The following ROBO2 variants were observed in gnomAD, a reference collection of about 807,000 sequenced individuals.
ROBO2 encodes roundabout guidance receptor 2.
ROBO2 carries 53 observed loss-of-function variants against 160.8 expected under a neutral mutation model. That is an observed-to-expected ratio of 0.33 (90% confidence interval 0.26 to 0.41). The LOEUF (loss-of-function observed/expected upper bound fraction) is 0.41. Among genes scored for constraint, ROBO2 ranks in the 10% least tolerant of loss-of-function variants. The probability of loss-of-function intolerance (pLI) is 1.00; values close to 1 mark genes in which losing one functional copy is unlikely to be tolerated. For synonymous variants in ROBO2, 664 were observed against 611.7 expected (o/e 1.09, Z -1.26); for missense variants, 1,577 against 1,722.4 (o/e 0.92, Z 1.49).
intron 2 of ROBO2, among the ~76,000 whole-genome samples, chr3:76,833,291 G>A (rs1274917945): frequency 1.3e-5 from 2 of 151,862 alleles, no homozygotes; most frequent in Non-Finnish European, 2.9e-5. Context: ...GTTTTACTTA[G>A]TTTGAAACAT....
chr3:77,065,740 A>G, intron 1 of ROBO2, among the ~76,000 whole-genome samples: 1 of 152,290 alleles, frequency 6.6e-6, no homozygotes, highest in Non-Finnish European at 1.5e-5. Context: ...TTATTGAAAT[A>G]TGAAGTCAAA....
At chr3:77,055,805 T>C (rs1359534478) in intron 1 of ROBO2, among the ~76,000 whole-genome samples, 1 of 152,202 alleles carries the variant, frequency 6.6e-6, no homozygotes, top group Admixed American at 6.5e-5. Flanking sequence ...TTTCTTACTT[T>C]TTCGCTTCTA....
At chr3:76,881,037 G>A (rs183811965) in intron 2 of ROBO2, among the ~76,000 whole-genome samples, 58 of 152,168 alleles carry the variant, frequency 3.8e-4, no homozygotes, top group African/African-American at 1.2e-3. Context: ...AGTTTTGTTC[G>A]AGGGCCATTA....
At chr3:77,625,254 C>T (rs1335049801) in intron 23 of ROBO2, among the ~76,000 whole-genome samples, 1 of 152,118 alleles carries the variant, frequency 6.6e-6, no homozygotes, top group Non-Finnish European at 1.5e-5. Flanking sequence ...TTCTTTCTTC[C>T]TACAACAAAC....
chr3:76,681,771 T>C (rs1328250678), intron 2 of ROBO2, among the ~76,000 whole-genome samples: 1 of 151,876 alleles, frequency 6.6e-6, no homozygotes, highest in Admixed American at 6.7e-5. Flanking sequence ...TGCAAAATAA[T>C]TGCAGGTGAG....
chr3:76,398,650 A>G (rs551486304), intron 2 of ROBO2, among the ~76,000 whole-genome samples: 2 of 151,890 alleles, frequency 1.3e-5, no homozygotes, highest in South Asian at 4.2e-4. Context: ...AGTTTTTAGT[A>G]TATTTTAAAC....
chr3:76,706,698 A>G (rs930129679), intron 2 of ROBO2, among the ~76,000 whole-genome samples: 3 of 152,182 alleles, frequency 2.0e-5, no homozygotes, highest in Non-Finnish European at 4.4e-5. Flanking sequence ...GAAACATTGT[A>G]GAATATTTCC....
At chr3:76,270,591 C>G (rs1441734098) in intron 2 of ROBO2, among the ~76,000 whole-genome samples, 1 of 152,012 alleles carries the variant, frequency 6.6e-6, no homozygotes, top group South Asian at 2.1e-4. Flanking sequence ...AGCTTAGATT[C>G]GTGTTTGATT....
intron 2 of ROBO2, among the ~76,000 whole-genome samples, chr3:75,993,850 T>C (rs943893548): frequency 2.6e-5 from 4 of 152,172 alleles, no homozygotes; most frequent in African/African-American, 9.7e-5. Context: ...ATTCTCTTTC[T>C]CATATGTTCT....
chr3:76,317,234 GACT>G (rs1196118589), intron 2 of ROBO2, among the ~76,000 whole-genome samples: 1 of 152,186 alleles, frequency 6.6e-6, no homozygotes, highest in Non-Finnish European at 1.5e-5. Context: ...TGGAAAAATA[GACT>G]GGTAATACAA....
intron 2 of ROBO2, among the ~76,000 whole-genome samples, chr3:76,614,483 A>C (rs2088404068): frequency 6.6e-6 from 1 of 152,094 alleles, no homozygotes; most frequent in Non-Finnish European, 1.5e-5. Flanking sequence ...CATAGAAGAC[A>C]AACCATTGTT....
intron 2 of ROBO2, among the ~76,000 whole-genome samples, chr3:76,757,390 A>G (rs2061036549): frequency 6.6e-6 from 1 of 151,830 alleles, no homozygotes; most frequent in Admixed American, 6.6e-5. Context: ...GAGTATATGT[A>G]ACTTAAGATC....
At chr3:77,068,214 G>A (rs1368194628) in intron 1 of ROBO2, among the ~76,000 whole-genome samples, 1 of 151,942 alleles carries the variant, frequency 6.6e-6, no homozygotes, top group Admixed American at 6.6e-5. Flanking sequence ...ACAGGCTTTT[G>A]GTTTAATATT....
At chr3:76,972,488 G>GT (rs1330639692) in intron 2 of ROBO2, among the ~76,000 whole-genome samples, 3 of 151,806 alleles carry the variant, frequency 2.0e-5, no homozygotes, top group African/African-American at 7.3e-5. Flanking sequence ...GGTGCTCTTT[G>GT]TACCCATTCA....
intron 24 of ROBO2, among the ~76,000 whole-genome samples, chr3:77,644,381 TCA>T (rs2095390332): frequency 6.6e-6 from 1 of 152,182 alleles, no homozygotes; most frequent in Admixed American, 6.5e-5. Flanking sequence ...GAAATTATTC[TCA>T]GATATGCTTT....
chr3:77,603,104 C>T (rs1038741752), intron 20 of ROBO2: 9 of 456,192 alleles, frequency 2.0e-5, no homozygotes, highest in East Asian at 7.0e-5. Context: ...TTGTCACCAG[C>T]GTATGACCTG....
intron 2 of ROBO2, among the ~76,000 whole-genome samples, chr3:77,198,519 C>G (rs1335821017): frequency 2.6e-5 from 4 of 152,082 alleles, no homozygotes; most frequent in Non-Finnish European, 5.9e-5. Context: ...TGGCAATGTC[C>G]CAATAGTGGG....
intron 2 of ROBO2, among the ~76,000 whole-genome samples, chr3:76,531,077 C>A (rs2082199298): frequency 6.6e-6 from 1 of 152,094 alleles, no homozygotes; most frequent in Non-Finnish European, 1.5e-5. Flanking sequence ...GAAGCAAAGT[C>A]ATAAAATTCT....
At chr3:76,583,466 A>G (rs2085832846) in intron 2 of ROBO2, among the ~76,000 whole-genome samples, 1 of 152,184 alleles carries the variant, frequency 6.6e-6, no homozygotes, top group South Asian at 2.1e-4. Context: ...AATACCAAAT[A>G]CAGTGGCTAC....
Sources: gnomAD v4.1 joint callset for allele counts (sites outside exome capture counted in the v4.1 genomes callset) on GRCh38, gnomAD v4.1.1 for gene constraint, MANE v1.5 for transcripts, NCBI Gene and HGNC (gene_info 2026-07-23, HGNC 2026-07-21) for gene names.